Variants in KCNIP4 observed in about 807,000 individuals in gnomAD.
The protein encoded by KCNIP4 is Kv channel-interacting protein 4.
In KCNIP4, 12 loss-of-function variants were observed where a neutral mutation model predicts 34.0. That is an observed-to-expected ratio of 0.35 (90% confidence interval 0.23 to 0.57). KCNIP4 has a LOEUF of 0.57. KCNIP4 is among the 20% of genes least tolerant of loss of function. The pLI is 0.83. For synonymous variants in KCNIP4, 124 were observed against 102.2 expected (o/e 1.21, Z -1.29); for missense variants, 238 against 311.7 (o/e 0.76, Z 1.78).
rs376644707 is a variant in KCNIP4 at position 21,504,465 on chromosome 4, C to CA, written c.61+444105dup. 5.5e-3 allele frequency among the ~76,000 whole-genome samples: 310 copies of CA among 56,308 alleles called. 6 individuals are homozygous for CA. The highest frequency in any genetic ancestry group is 0.022 in the Middle Eastern group (2 of 90). 36.9% of individuals were successfully genotyped at this position (56,308 alleles called of 152,430 possible). On this transcript the variant is annotated intron_variant, in intron 1 of 8. Transcript: ENST00000382152. ...CCTGGGCAATAGAATGACTCCAACT[C>CA]AAAAAAAAAAAAAGAAAGAAAGAAA...
chr4:21,787,034 C>T (rs920241958), intron 1 of KCNIP4, among the ~76,000 whole-genome samples: 1 of 152,152 alleles, frequency 6.6e-6, no homozygotes, highest in Non-Finnish European at 1.5e-5. Flanking sequence ...CATCCCTAAT[C>T]TGAAAATCTA....
chr4:21,226,210 G>A (rs572989234), intron 1 of KCNIP4, among the ~76,000 whole-genome samples: 29 of 135,496 alleles, frequency 2.1e-4, no homozygotes, highest in Non-Finnish European at 3.9e-4. Context: ...GCAGGAAGTC[G>A]AGGCCAGCCT....
chr4:20,730,281 T>C, intron 8 of KCNIP4, 152 bp from the exon 9 acceptor site: 1 of 981,218 alleles, frequency 1.0e-6, no homozygotes, highest in Non-Finnish European at 1.4e-6. Context: ...TAAATGCCAT[T>C]CTATTCTATC....
rs144213443 is a variant in KCNIP4 at position 21,489,997 on chromosome 4, A to G, written c.61+458574T>C. 5.2e-4 allele frequency among the ~76,000 whole-genome samples: 79 copies of G among 152,298 alleles called. No homozygotes were observed. The East Asian group carries it at 0.011, about 22-fold the overall frequency. On this transcript the variant is annotated intron_variant, in intron 1 of 8. Coordinates refer to ENST00000382152, the MANE Select transcript of KCNIP4 (RefSeq NM_025221.6). ...TCTGAGCAGTTAATTTACTTTTTGC[A>G]TAATGCTACAGAAGAATTTTGAGAA...
At chr4:21,318,312 T>C (rs111644475) in intron 1 of KCNIP4, among the ~76,000 whole-genome samples, 1,783 of 152,334 alleles carry the variant, frequency 0.012, 27 homozygotes, top group African/African-American at 0.041. Flanking sequence ...ATTTCAATTA[T>C]GTACAATCCT....
chr4:20,821,903 ACAC>A (rs551733775), intron 3 of KCNIP4, among the ~76,000 whole-genome samples: 151 of 152,196 alleles, frequency 9.9e-4, no homozygotes, highest in African/African-American at 3.4e-3. Context: ...TCTCACACAC[ACAC>A]ATTTTCTTTA....
At chr4:20,851,447 G>C (rs544855535) in intron 2 of KCNIP4, among the ~76,000 whole-genome samples, 1 of 152,144 alleles carries the variant, frequency 6.6e-6, no homozygotes, top group Non-Finnish European at 1.5e-5. Context: ...TGGGCGGTTA[G>C]GTTGATTCTG....
intron 1 of KCNIP4, among the ~76,000 whole-genome samples, chr4:21,538,480 AT>A (rs75062724): frequency 0.036 from 5,530 of 152,204 alleles, 275 homozygotes; most frequent in East Asian, 0.21. Flanking sequence ...GTTCCACTTC[AT>A]TTTAACTCCA....
intron 1 of KCNIP4, among the ~76,000 whole-genome samples, chr4:21,651,766 G>C (rs1476738456): frequency 6.6e-6 from 1 of 152,142 alleles, no homozygotes; most frequent in Non-Finnish European, 1.5e-5. Flanking sequence ...TTTGATGGCA[G>C]ACTTTCAGGA....
chr4:21,497,703 A>G (rs1268508751), intron 1 of KCNIP4, among the ~76,000 whole-genome samples: 1 of 152,184 alleles, frequency 6.6e-6, no homozygotes, highest in Non-Finnish European at 1.5e-5. Flanking sequence ...AACGGATGCC[A>G]TATCCTTCTA....
chr4:21,073,603 C>T (rs1577643759), intron 1 of KCNIP4, among the ~76,000 whole-genome samples: 1 of 152,168 alleles, frequency 6.6e-6, no homozygotes, highest in Non-Finnish European at 1.5e-5. Context: ...TTGACTTCCT[C>T]TTTTCCTAAT....
At chr4:21,399,244 T>C (rs567689739) in intron 1 of KCNIP4, among the ~76,000 whole-genome samples, 1 of 152,220 alleles carries the variant, frequency 6.6e-6, no homozygotes, top group East Asian at 1.9e-4. Context: ...GTGTAGGTTC[T>C]GTTAGGGCAT....
intron 1 of KCNIP4, among the ~76,000 whole-genome samples, chr4:21,676,858 A>G (rs2109017514): frequency 6.6e-6 from 1 of 152,284 alleles, no homozygotes; most frequent in East Asian, 1.9e-4. Flanking sequence ...AGATAAAATT[A>G]CATAATTAAT....
In KCNIP4 at chr4:21,683,771, G is replaced by C. The variant is rs531828507; in HGVS notation, c.61+264800C>G. 2.2e-3 allele frequency among the ~76,000 whole-genome samples: 336 copies of C among 152,198 alleles called. 1 individual carries two copies. The highest frequency in any genetic ancestry group is 7.7e-3 in the African/African-American group (319 of 41,530). ...AAAAAACAATGCTTACTTTAAAGAA[G>C]ATCATGTCGTTTGTGGGAACACAGA... On this transcript the variant is annotated intron_variant, in intron 1 of 8. Coordinates refer to ENST00000382152, the MANE Select transcript of KCNIP4 (RefSeq NM_025221.6).
chr4:20,887,171 T>C (rs1266682152), intron 1 of KCNIP4, among the ~76,000 whole-genome samples: 1 of 151,936 alleles, frequency 6.6e-6, no homozygotes, highest in Non-Finnish European at 1.5e-5. Flanking sequence ...GAAGAAAGGA[T>C]TATGAGCTTG....
chr4:21,144,441 G>A (rs1391634351), intron 1 of KCNIP4, among the ~76,000 whole-genome samples: 2 of 152,186 alleles, frequency 1.3e-5, no homozygotes, highest in Non-Finnish European at 2.9e-5. Flanking sequence ...CAAAAAAAGA[G>A]CTAAATATTG....
chr4:20,775,171 A>G (rs1272455454), intron 3 of KCNIP4, among the ~76,000 whole-genome samples: 1 of 152,196 alleles, frequency 6.6e-6, no homozygotes, highest in African/African-American at 2.4e-5. Flanking sequence ...TCCACTGATG[A>G]GCTATTATGT....
At chr4:21,872,272 C>T (rs934495655) in intron 1 of KCNIP4, among the ~76,000 whole-genome samples, 1 of 152,128 alleles carries the variant, frequency 6.6e-6, no homozygotes, top group Non-Finnish European at 1.5e-5. Context: ...CTCACAGGCC[C>T]CCTGAGAAAC....
chr4:20,863,999 C>G (rs191027848), intron 2 of KCNIP4, among the ~76,000 whole-genome samples: 3 of 131,086 alleles, frequency 2.3e-5, no homozygotes, highest in Admixed American at 1.5e-4. Context: ...ACTAGATATA[C>G]GTACATGTAA....
Sources: gnomAD v4.1 joint callset for allele counts (sites outside exome capture counted in the v4.1 genomes callset) on GRCh38, gnomAD v4.1.1 for gene constraint, MANE v1.5 for transcripts, NCBI Gene and HGNC (gene_info 2026-07-23, HGNC 2026-07-21) for gene names.